SNX27: variants seen among roughly 807,000 people sequenced by gnomAD.
The protein encoded by SNX27 is sorting nexin-27.
A neutral mutation model predicts 71.6 loss-of-function variants in SNX27; 22 were observed. The ratio of observed to expected loss-of-function variants is 0.31; its 90% CI spans 0.22 to 0.44. The LOEUF (loss-of-function observed/expected upper bound fraction) is 0.44. Among genes scored for constraint, SNX27 ranks in the 20% least tolerant of loss-of-function variants. SNX27 has a pLI of 1.00. For synonymous variants in SNX27, 269 were observed against 277.2 expected (o/e 0.97, Z 0.29); for missense variants, 531 against 698.6 (o/e 0.76, Z 2.70).
chr1:151,652,184 A>AGAGAGGGAGAGGGAGACCGTGGGGAGAGG (rs1558054149), intron 2 of SNX27, among the ~76,000 whole-genome samples: 5 of 102,728 alleles, frequency 4.9e-5, no homozygotes, highest in South Asian at 3.3e-4. Context: ...GACCGTGGAA[A>AGAGAGGGAGAGGGAGACCGTGGGGAGAGG]GAGAGGGAGA....
chr1:151,622,480 A>T (rs868587047), intron 1 of SNX27, among the ~76,000 whole-genome samples: 3 of 152,084 alleles, frequency 2.0e-5, no homozygotes, highest in African/African-American at 4.8e-5. Context: ...AATTATCAAA[A>T]TTTTTTTTCC....
intron 7 of SNX27, among the ~76,000 whole-genome samples, chr1:151,669,991 A>G (rs1377454623): frequency 6.6e-6 from 1 of 152,138 alleles, no homozygotes; most frequent in Non-Finnish European, 1.5e-5. Context: ...TTATTCATTA[A>G]TTCTACCTAT....
intron 1 of SNX27, among the ~76,000 whole-genome samples, chr1:151,617,554 G>C (rs1667476421): frequency 6.6e-6 from 1 of 152,208 alleles, no homozygotes; most frequent in African/African-American, 2.4e-5. Flanking sequence ...AAAGTGCTGG[G>C]ATTACAGGCA....
In SNX27 at chr1:151,696,034, G is replaced by A. The variant is rs1455084858; in HGVS notation, c.*1617G>A. 6.6e-6 allele frequency: 1 copy of A among 152,256 alleles called. No homozygotes were observed. The highest frequency in any genetic ancestry group is 2.4e-5 in the African/African-American group (1 of 41,464). 9.4% of individuals were successfully genotyped at this position (152,256 alleles called of 1,614,324 possible). A position where few individuals can be genotyped will look rare whatever the true frequency, so the allele number is the denominator to read the frequency against. Reference sequence around the variant, plus strand: ...CTGAGAACCTAGGAAGGAGTAGTAGGAATATGGTTGATTAGATTGGATCTC... The same window carrying A: ...CTGAGAACCTAGGAAGGAGTAGTAGAAATATGGTTGATTAGATTGGATCTC... On this transcript the variant is annotated 3_prime_UTR_variant, in exon 12 of 12. Transcript: ENST00000458013.
At position 151,662,620 on chromosome 1, in the gene SNX27, C is replaced by G. The variant is rs150899850; in HGVS notation, c.906+350C>G. On this transcript the variant is annotated intron_variant, in intron 5 of 11. Coordinates refer to ENST00000458013, the MANE Select transcript of SNX27 (RefSeq NM_001330723.2). ...GCCTCAGCCTCCTGAGTAGCTGGGA[C>G]TACAGGTGCCCGCCACCACACCCAG... The G allele has an allele frequency of 8.6e-3, 1,389 of 160,824 alleles. 5 individuals are homozygous for G. Among genetic ancestry groups the G allele is most frequent in the Non-Finnish European group, 0.012 (905 of 72,748 alleles). The allele number at this position is 160,824 out of a possible 1,614,324, so 10.0% of individuals were successfully genotyped here.
intron 2 of SNX27, among the ~76,000 whole-genome samples, chr1:151,654,734 AAGGC>A (rs1238560505): frequency 6.6e-6 from 1 of 152,192 alleles, no homozygotes; most frequent in African/African-American, 2.4e-5. Context: ...AACATGAAGG[AAGGC>A]ATTCCCTGGT....
chr1:151,679,493 G>C (rs1270996286), intron 7 of SNX27: 1 of 152,162 alleles, frequency 6.6e-6, no homozygotes, highest in Non-Finnish European at 1.5e-5. Flanking sequence ...ATTTTAAAAA[G>C]CGTAAACTTG....
intron 1 of SNX27, among the ~76,000 whole-genome samples, chr1:151,637,417 A>G (rs2102630424): frequency 6.6e-6 from 1 of 152,126 alleles, no homozygotes; most frequent in Non-Finnish European, 1.5e-5. Context: ...TGACCTTGTG[A>G]TCCACCCGCC....
At chr1:151,641,443 G>C (rs540434512) in intron 2 of SNX27, among the ~76,000 whole-genome samples, 36 of 151,488 alleles carry the variant, frequency 2.4e-4, no homozygotes, top group Admixed American at 4.6e-4. Context: ...AATGACTCAT[G>C]ATGATGAGCT....
intron 5 of SNX27, among the ~76,000 whole-genome samples, chr1:151,664,336 T>G (rs1670100730): frequency 6.6e-6 from 1 of 151,840 alleles, no homozygotes; most frequent in South Asian, 2.1e-4. Flanking sequence ...TGTTCCATCT[T>G]TGGCCAATGA....
intron 7 of SNX27, among the ~76,000 whole-genome samples, chr1:151,669,526 C>T (rs904449796): frequency 2.0e-5 from 3 of 152,240 alleles, no homozygotes; most frequent in African/African-American, 4.8e-5. Flanking sequence ...TCATGATTTC[C>T]ACTTTCTGAA....
intron 8 of SNX27, among the ~76,000 whole-genome samples, chr1:151,685,154 G>T (rs148463138): frequency 1.5e-4 from 23 of 152,052 alleles, no homozygotes; most frequent in African/African-American, 5.5e-4. Context: ...TACTTGTAAA[G>T]ACAGCAGAAA....
intron 7 of SNX27, chr1:151,678,004 A>G (rs1670773840): frequency 6.6e-6 from 1 of 152,148 alleles, no homozygotes; most frequent in African/African-American, 2.4e-5. Flanking sequence ...AAGTATATTC[A>G]CAATGTTGTG....
intron 1 of SNX27, among the ~76,000 whole-genome samples, chr1:151,618,588 G>A (rs188572639): frequency 5.1e-4 from 78 of 151,910 alleles, no homozygotes; most frequent in Admixed American, 4.1e-3. Context: ...TTCAGATGAG[G>A]GCCTGTTACC....
intron 1 of SNX27, 55 bp from the exon 2 acceptor site, chr1:151,638,833 A>T: frequency 6.6e-7 from 1 of 1,507,596 alleles, no homozygotes; most frequent in African/African-American, 1.4e-5. Flanking sequence ...TGGAGATACA[A>T]GGTGTTTGGA....
At chr1:151,654,033 A>G (rs1448684773) in intron 2 of SNX27, among the ~76,000 whole-genome samples, 1 of 151,598 alleles carries the variant, frequency 6.6e-6, no homozygotes, top group Non-Finnish European at 1.5e-5. Flanking sequence ...GAGTTTCAGC[A>G]TGTTGGCTGG....
chr1:151,630,828 TC>T, intron 1 of SNX27, among the ~76,000 whole-genome samples: 1 of 152,270 alleles, frequency 6.6e-6, no homozygotes, highest in South Asian at 2.1e-4. Flanking sequence ...GGTCAGGAGA[TC>T]GAGACCATCC....
At chr1:151,693,932 G>T in intron 11 of SNX27, 1 of 1,327,712 alleles carries the variant, frequency 7.5e-7, no homozygotes. Context: ...GTCTGTATGT[G>T]CCAGTGCTGG....
At chr1:151,689,884 G>A (rs1244525392) in intron 8 of SNX27, among the ~76,000 whole-genome samples, 3 of 150,658 alleles carry the variant, frequency 2.0e-5, no homozygotes, top group African/African-American at 7.3e-5. Context: ...TCAGTCTGTT[G>A]CCCAGGCAGG....
Sources: allele counts gnomAD v4.1 joint callset (sites outside exome capture counted in the v4.1 genomes callset), GRCh38; gene constraint gnomAD v4.1.1; transcripts MANE v1.5; gene names NCBI Gene and HGNC (gene_info 2026-07-23, HGNC 2026-07-21).